Variants in ELOC observed in about 807,000 individuals in gnomAD.
ELOC encodes elongin-C.
For missense variants in ELOC, 38 were observed against 139.0 expected (o/e 0.27, Z 3.65); for synonymous variants, 40 against 51.3 (o/e 0.78, Z 0.94).
rs549224882 is a variant in ELOC, at chr8:73,945,409, G to C, written c.*1221C>G. ...GCTGGGATTACAGGCATGAGCCACC[G>C]GGCTCAGCCATATTAAGCCAGTCTC... On this transcript the variant is annotated 3_prime_UTR_variant, in exon 4 of 4. Coordinates refer to ENST00000520242, the MANE Select transcript of ELOC (RefSeq NM_005648.4). 1 of 152,048 alleles carries C rather than the reference G, an allele frequency of 6.6e-6. No homozygotes were observed. Among genetic ancestry groups the C allele is most frequent in the African/African-American group, 2.4e-5 (1 of 41,392 alleles). 9.4% of individuals were successfully genotyped at this position (152,048 alleles called of 1,614,324 possible). A position where few individuals can be genotyped will look rare whatever the true frequency, so the allele number is the denominator to read the frequency against.
At chr8:73,970,452 C>A (rs758902848) in intron 1 of ELOC, 2 of 152,080 alleles carry the variant, frequency 1.3e-5, no homozygotes, top group Admixed American at 1.3e-4. Context: ...AATGCATACA[C>A]GTGTATTTTT....
chr8:73,967,593 G>A (rs1051352823), intron 1 of ELOC, among the ~76,000 whole-genome samples: 24 of 150,862 alleles, frequency 1.6e-4, no homozygotes, highest in Non-Finnish European at 7.4e-5. Flanking sequence ...TCAGCCTCCC[G>A]AGTAGCTGGG....
chr8:73,957,104 C>T (rs956849014), intron 2 of ELOC, among the ~76,000 whole-genome samples: 2 of 149,158 alleles, frequency 1.3e-5, no homozygotes, highest in Non-Finnish European at 3.0e-5. Context: ...ACACAGGAGG[C>T]GGAGCTTGCA....
At chr8:73,963,972 A>G (rs1301845665) in intron 1 of ELOC, among the ~76,000 whole-genome samples, 1 of 151,696 alleles carries the variant, frequency 6.6e-6, no homozygotes, top group Non-Finnish European at 1.5e-5. Flanking sequence ...GGGTGCCTGT[A>G]ATCCCAGCTA....
chr8:73,958,526 C>T lies in ELOC; in HGVS notation c.4+1239G>A, dbSNP rs537294960. Among the ~76,000 whole-genome samples, 37 of 151,908 alleles carry T rather than the reference C, an allele frequency of 2.4e-4. No individual in the cohort carries two copies. In the South Asian group the frequency reaches 5.8e-3, roughly 24 times the overall value. ...AAGCTATGTTAGTATCTTTTTTTGT[C>T]TAATTTTTCATAAAAAGCGGGAGGA... On this transcript the variant is annotated intron_variant, in intron 2 of 3. Transcript: ENST00000520242.
At chr8:73,963,623 T>C (rs1814755803) in intron 1 of ELOC, among the ~76,000 whole-genome samples, 1 of 152,250 alleles carries the variant, frequency 6.6e-6, no homozygotes, top group South Asian at 2.1e-4. Context: ...AAATCTGTTC[T>C]TCATATCTTT....
chr8:73,946,565 T>C lies in ELOC; in HGVS notation c.*65A>G. 1 of 1,298,034 alleles carries C rather than the reference T, an allele frequency of 7.7e-7. No homozygotes were observed. The highest frequency in any genetic ancestry group is 1.6e-5 in the South Asian group (1 of 61,956). The allele number at this position is 1,298,034 out of a possible 1,614,324, so 80.4% of individuals were successfully genotyped here. ...AGGCAACATGCTATATATGAAAAAGTTACTAACTGAACTACAGGTATTAAA... is the reference window on the plus strand; with the variant it reads ...AGGCAACATGCTATATATGAAAAAGCTACTAACTGAACTACAGGTATTAAA... On this transcript the variant is annotated 3_prime_UTR_variant, in exon 4 of 4. Transcript: ENST00000520242.
intron 3 of ELOC, among the ~76,000 whole-genome samples, chr8:73,949,961 AATTCATCAG>A (rs955122978): frequency 4.6e-5 from 7 of 152,176 alleles, no homozygotes; most frequent in African/African-American, 1.4e-4. Flanking sequence ...GCCCAAAAGC[AATTCATCAG>A]ATTCATCAGA....
At chr8:73,953,459 C>T (rs1813911939) in intron 3 of ELOC, among the ~76,000 whole-genome samples, 1 of 151,938 alleles carries the variant, frequency 6.6e-6, no homozygotes, top group Non-Finnish European at 1.5e-5. Flanking sequence ...GGCGGGTCAC[C>T]TGAGGCCGGG....
At chr8:73,957,204 T>C (rs1319225301) in intron 2 of ELOC, among the ~76,000 whole-genome samples, 1 of 150,874 alleles carries the variant, frequency 6.6e-6, no homozygotes, top group African/African-American at 2.4e-5. Context: ...ATTTAAACAA[T>C]ACTCGGTTTA....
At chr8:73,964,334 G>A (rs567866957) in intron 1 of ELOC, among the ~76,000 whole-genome samples, 1 of 151,676 alleles carries the variant, frequency 6.6e-6, no homozygotes, top group South Asian at 2.1e-4. Flanking sequence ...GGTGAGAAAG[G>A]ACAGTCTCTT....
chr8:73,957,919 C>G (rs1814308469), intron 2 of ELOC, among the ~76,000 whole-genome samples: 2 of 152,002 alleles, frequency 1.3e-5, no homozygotes, highest in Non-Finnish European at 2.9e-5. Context: ...GCTGGGATTA[C>G]AGGCGCCCAC....
In ELOC at chr8:73,959,779, T is replaced by C. The variant is rs575303735; in HGVS notation, c.-11A>G. On this transcript the variant is annotated 5_prime_UTR_variant, in exon 2 of 4. Coordinates refer to ENST00000520242, the MANE Select transcript of ELOC (RefSeq NM_005648.4). ...CTTTAGCTTACCCATTTTGTTCTTA[T>C]GAAATTCTACTTTGCTTCCCCAGGA... 41 of 1,556,018 alleles carry C rather than the reference T, an allele frequency of 2.6e-5. No homozygotes were observed. The highest frequency in any genetic ancestry group is 4.1e-5 in the African/African-American group (3 of 72,520).
chr8:73,950,892 T>C (rs115569363), intron 3 of ELOC, among the ~76,000 whole-genome samples: 107 of 152,310 alleles, frequency 7.0e-4, no homozygotes, highest in African/African-American at 2.4e-3. Flanking sequence ...AGGGGAACTA[T>C]TGCAGATTTT....
At chr8:73,949,735 C>T (rs1813623155) in intron 3 of ELOC, among the ~76,000 whole-genome samples, 1 of 152,188 alleles carries the variant, frequency 6.6e-6, no homozygotes, top group Non-Finnish European at 1.5e-5. Context: ...CAGTACTTCA[C>T]TCCTTTTCAT....
intron 1 of ELOC, among the ~76,000 whole-genome samples, chr8:73,968,589 C>T (rs1815150579): frequency 6.6e-6 from 1 of 152,198 alleles, no homozygotes; most frequent in Non-Finnish European, 1.5e-5. Flanking sequence ...ACTTCAGTTG[C>T]CTTGTCTCTC....
At position 73,959,787 on chromosome 8, in the gene ELOC, T is replaced by C. The variant is rs371538947; in HGVS notation, c.-19A>G. On this transcript the variant is annotated 5_prime_UTR_variant, in exon 2 of 4. Transcript: ENST00000520242. ...TACCCATTTTGTTCTTATGAAATTC[T>C]ACTTTGCTTCCCCAGGAACTTTAGT... 1.3e-5 allele frequency: 20 copies of C among 1,552,682 alleles called. No homozygotes were observed. The highest frequency in any genetic ancestry group is 6.9e-5 in the African/African-American group (5 of 72,278).
At chr8:73,955,108 T>G (rs539947846) in intron 3 of ELOC, among the ~76,000 whole-genome samples, 1 of 150,132 alleles carries the variant, frequency 6.7e-6, no homozygotes, top group East Asian at 1.9e-4. Flanking sequence ...TTGTTGAAAC[T>G]TATAGGATAA....
chr8:73,951,976 T>G (rs1392112970), intron 3 of ELOC, among the ~76,000 whole-genome samples: 1 of 152,192 alleles, frequency 6.6e-6, no homozygotes, highest in Non-Finnish European at 1.5e-5. Context: ...AGAATGAAGC[T>G]GATCTCTTAC....
Sources: gnomAD v4.1 joint callset for allele counts (sites outside exome capture counted in the v4.1 genomes callset) on GRCh38, gnomAD v4.1.1 for gene constraint, MANE v1.5 for transcripts, NCBI Gene and HGNC (gene_info 2026-07-23, HGNC 2026-07-21) for gene names.